NDE1: variants seen among roughly 807,000 people sequenced by gnomAD.
NDE1 encodes the protein nuclear distribution protein nudE homolog 1.
NDE1 carries 28 observed loss-of-function variants against 43.4 expected under a neutral mutation model. The observed-to-expected ratio is 0.65, with a 90% CI of 0.48 to 0.89. The LOEUF is 0.89. NDE1 is among the 40% of genes least tolerant of loss of function. The pLI is 0.00. For synonymous variants in NDE1, 184 were observed against 172.0 expected (o/e 1.07, Z -0.55); for missense variants, 441 against 434.1 (o/e 1.02, Z -0.14).
chr16:15,691,834 G>C (rs1468131592), intron 6 of NDE1, among the ~76,000 whole-genome samples: 1 of 151,668 alleles, frequency 6.6e-6, no homozygotes, highest in African/African-American at 2.4e-5. Flanking sequence ...TTGCCATGTC[G>C]CCCAGGCTGG....
intron 1 of NDE1, among the ~76,000 whole-genome samples, chr16:15,660,401 A>G (rs1415281404): frequency 1.3e-5 from 2 of 151,998 alleles, no homozygotes. Context: ...GCCGCCTAGG[A>G]GTTCAAAGAT....
At chr16:15,712,938 C>T (rs2039902886) in intron 8 of NDE1, 1 of 143,804 alleles carries the variant, frequency 7.0e-6, no homozygotes, top group South Asian at 2.2e-4. Context: ...ACTGCAACCT[C>T]TCTCTCCCGG....
chr16:15,666,244 CTG>C (rs1332986935), intron 2 of NDE1, among the ~76,000 whole-genome samples: 7 of 152,024 alleles, frequency 4.6e-5, no homozygotes, highest in Non-Finnish European at 8.8e-5. Flanking sequence ...TGGTTTGGCA[CTG>C]TTTTTATTTA....
chr16:15,663,856 C>T (rs2151433200), intron 1 of NDE1, among the ~76,000 whole-genome samples: 1 of 152,042 alleles, frequency 6.6e-6, no homozygotes, highest in African/African-American at 2.4e-5. Flanking sequence ...CACTTGAGGT[C>T]AGGAGTTTGA....
intron 1 of NDE1, 59 bp downstream of exon 1, chr16:15,650,353 G>A: frequency 4.5e-6 from 1 of 223,034 alleles, no homozygotes; most frequent in South Asian, 3.9e-5. Context: ...CCTCCACCGC[G>A]GCTGAAAAGC....
intron 3 of NDE1, among the ~76,000 whole-genome samples, chr16:15,668,180 G>C (rs1406503662): frequency 6.6e-6 from 1 of 152,112 alleles, no homozygotes; most frequent in Non-Finnish European, 1.5e-5. Flanking sequence ...TGGCCAACAT[G>C]ATGAAACCCT....
At chr16:15,693,032 G>A (rs1177794737) in intron 6 of NDE1, among the ~76,000 whole-genome samples, 1 of 147,058 alleles carries the variant, frequency 6.8e-6, no homozygotes, top group African/African-American at 2.5e-5. Flanking sequence ...ACAAAGTCTT[G>A]CTCTGTCGGC....
chr16:15,691,775 G>C (rs2038767521), intron 6 of NDE1, among the ~76,000 whole-genome samples: 1 of 151,468 alleles, frequency 6.6e-6, no homozygotes, highest in Non-Finnish European at 1.5e-5. Flanking sequence ...GGAGTAGCTG[G>C]GACTAAAGGC....
At chr16:15,644,946 G>T (rs1263549590) in intron 1 of NDE1, among the ~76,000 whole-genome samples, 2 of 133,466 alleles carry the variant, frequency 1.5e-5, no homozygotes, top group Non-Finnish European at 3.1e-5. Context: ...TTGAGACAAA[G>T]TCTTGCTTCA....
intron 8 of NDE1, chr16:15,717,110 A>G (rs1443395669): frequency 1.2e-6 from 2 of 1,612,192 alleles, no homozygotes; most frequent in Non-Finnish European, 1.7e-6. Context: ...CCCCCCTGCA[A>G]ACTGGGTTCG....
chr16:15,725,216 C>A lies in NDE1; in HGVS notation c.*965C>A, dbSNP rs1181959103. ...GAACTCCGTCACCTATGAGTTGGGACCCTGGCCCTAGACTCTGTGGTTCTA... is the reference window on the plus strand; with the variant it reads ...GAACTCCGTCACCTATGAGTTGGGAACCTGGCCCTAGACTCTGTGGTTCTA... On this transcript the variant is annotated 3_prime_UTR_variant, in exon 9 of 9. Coordinates refer to ENST00000396354, the MANE Select transcript of NDE1 (RefSeq NM_017668.3). The A allele has an allele frequency of 3.3e-6, 2 of 612,068 alleles. No homozygotes were observed. Among genetic ancestry groups the A allele is most frequent in the Non-Finnish European group, 5.7e-6 (2 of 348,560 alleles). 37.9% of individuals were successfully genotyped at this position (612,068 alleles called of 1,614,324 possible). A position where few individuals can be genotyped will look rare whatever the true frequency, so the allele number is the denominator to read the frequency against.
rs545434528 is a variant in NDE1, at chr16:15,687,522, C to G, written c.523+11C>G. On this transcript the variant is annotated intron_variant, in intron 5 of 8. Coordinates refer to ENST00000396354, the MANE Select transcript of NDE1 (RefSeq NM_017668.3). ...AGGATGAAGCCAGAGGTCAGGAGGC[C>G]TTGGTGTCTTCACCAGCATGGTCCC... The G allele has an allele frequency of 6.2e-7, 1 of 1,610,184 alleles. No individual in the cohort carries two copies. Among genetic ancestry groups the G allele is most frequent in the African/African-American group, 1.3e-5 (1 of 74,988 alleles).
intron 5 of NDE1, among the ~76,000 whole-genome samples, chr16:15,690,382 G>A (rs1335816717): frequency 7.0e-4 from 4 of 5,706 alleles, no homozygotes; most frequent in Admixed American, 2.9e-3. Context: ...TTTTTTTTTT[G>A]AGCCAGAGGT....
chr16:15,723,907 T>C (rs2040611155), intron 8 of NDE1, among the ~76,000 whole-genome samples: 1 of 152,218 alleles, frequency 6.6e-6, no homozygotes, highest in African/African-American at 2.4e-5. Flanking sequence ...GGCATCACCA[T>C]GTGTGCAGGT....
At chr16:15,644,331 C>T (rs1014970312) in intron 1 of NDE1, among the ~76,000 whole-genome samples, 1 of 152,208 alleles carries the variant, frequency 6.6e-6, no homozygotes, top group Non-Finnish European at 1.5e-5. Flanking sequence ...TGGGGATTAA[C>T]ACATCCCTGT....
rs142618704 is a variant in NDE1 at position 15,667,349 on chromosome 16, A to G, written c.147A>G (p.Glu49=). The G allele has an allele frequency of 5.8e-5, 93 of 1,613,990 alleles. No individual in the cohort carries two copies. In the African/African-American group the frequency reaches 1.1e-3, roughly 19 times the overall value. ...FQEGSREYEA[E]LETQLQQIET... ...AGGGAAGCCGAGAATATGAAGCTGA[A>G]TTGGAGACGCAGCTGCAACAAATTG... Residue 49 remains glutamate (E), a synonymous_variant, in exon 3 of 9, where the codon GAA becomes GAG. Coordinates refer to ENST00000396354, the MANE Select transcript of NDE1 (RefSeq NM_017668.3).
In NDE1 at chr16:15,719,288, C is replaced by G; in HGVS notation, c.948-4903C>G. The G allele has an allele frequency of 6.2e-7, 1 of 1,612,414 alleles. No individual in the cohort carries two copies. Among genetic ancestry groups the G allele is most frequent in the Non-Finnish European group, 8.5e-7 (1 of 1,180,018 alleles). ...TCTCGAGGTCCGCTTGTTTGCGAGCCCTCTCAGCGGCGGCGAGGTCCTAGG... is the reference window on the plus strand; with the variant it reads ...TCTCGAGGTCCGCTTGTTTGCGAGCGCTCTCAGCGGCGGCGAGGTCCTAGG... On this transcript the variant is annotated intron_variant, in intron 8 of 8. Coordinates refer to ENST00000396354, the MANE Select transcript of NDE1 (RefSeq NM_017668.3).
At chr16:15,648,814 G>GA (rs2036385246), upstream of NDE1, among the ~76,000 whole-genome samples, 2 of 151,840 alleles carry the variant, frequency 1.3e-5, no homozygotes, top group Non-Finnish European at 1.5e-5. Context: ...GTCTCGAAAA[G>GA]AAAAAAATTA....
chr16:15,699,668 C>T (rs1348696751), intron 8 of NDE1: 14 of 1,311,124 alleles, frequency 1.1e-5, no homozygotes, highest in African/African-American at 1.5e-5. Flanking sequence ...CTCTGGGCCC[C>T]GGTGCTAGCC....
Sources: allele counts gnomAD v4.1 joint callset (sites outside exome capture counted in the v4.1 genomes callset), GRCh38; gene constraint gnomAD v4.1.1; transcripts MANE v1.5; gene names NCBI Gene and HGNC (gene_info 2026-07-23, HGNC 2026-07-21).